Variants in HYAL4 observed in about 807,000 individuals in gnomAD.
HYAL4 encodes hyaluronidase-4.
Under a neutral mutation model 35.2 loss-of-function variants are expected in HYAL4, and 37 were observed. The observed-to-expected ratio is 1.05, with a 90% CI of 0.81 to 1.38. HYAL4 has a LOEUF of 1.38. Ranked by LOEUF, HYAL4 falls within the 40% of genes most tolerant of loss-of-function variation. The pLI, the probability that HYAL4 is intolerant of heterozygous loss-of-function variation, is 0.00. For synonymous variants in HYAL4, 198 were observed against 203.2 expected, an observed-to-expected ratio of 0.97 and a Z score of 0.22; for missense variants, 572 against 572.4, an observed-to-expected ratio of 1.00 and a Z score of 0.01.
the HYAL4 span, chr7:123,814,764 C>T: frequency 6.6e-6 from 1 of 152,444 alleles, no homozygotes. Flanking sequence ...TATCTCTATC[C>T]AGACTGCTAC....
chr7:123,796,060 G>C, the HYAL4 span, among the ~76,000 whole-genome samples: 2 of 152,238 alleles, frequency 1.3e-5, no homozygotes, highest in Non-Finnish European at 2.9e-5. Flanking sequence ...CCAATTGTTT[G>C]CAAACTATAT....
intron 2 of HYAL4, among the ~76,000 whole-genome samples, chr7:123,865,755 C>T (rs1806673114): frequency 1.3e-5 from 2 of 152,126 alleles, no homozygotes. Flanking sequence ...GTAGCACAGG[C>T]TTTACTACAA....
the HYAL4 span, among the ~76,000 whole-genome samples, chr7:123,793,666 C>CCTT: frequency 6.6e-6 from 1 of 152,160 alleles, no homozygotes; most frequent in Non-Finnish European, 1.5e-5. Context: ...GTTTGCTTCC[C>CCTT]CTTCCCCCAT....
At chr7:123,807,252 T>TA in the HYAL4 span, among the ~76,000 whole-genome samples, 1 of 152,126 alleles carries the variant, frequency 6.6e-6, no homozygotes, top group Non-Finnish European at 1.5e-5. Context: ...AAGTCTGCTT[T>TA]AATCAATATT....
the HYAL4 span, among the ~76,000 whole-genome samples, chr7:123,785,682 C>G: frequency 6.6e-6 from 1 of 152,230 alleles, no homozygotes; most frequent in Non-Finnish European, 1.5e-5. This position sits in a 1 kb window ranked among gnomAD's most constrained non-coding sequence, Gnocchi z 4.5. Flanking sequence ...CTCTGCTGTA[C>G]TCCTTCATCT....
the HYAL4 span, among the ~76,000 whole-genome samples, chr7:123,776,972 A>C: frequency 4.6e-5 from 7 of 152,248 alleles, no homozygotes; most frequent in African/African-American, 7.2e-5. Flanking sequence ...GAAAACTCTC[A>C]AAAAATAATT....
chr7:123,794,629 C>T, the HYAL4 span, among the ~76,000 whole-genome samples: 3 of 152,204 alleles, frequency 2.0e-5, no homozygotes, highest in Admixed American at 2.0e-4. Flanking sequence ...GCCTTGGCAG[C>T]TTACATGTGG....
upstream of HYAL4, among the ~76,000 whole-genome samples, chr7:123,840,274 T>G (rs1806031972): frequency 1.3e-5 from 2 of 152,214 alleles, no homozygotes. Flanking sequence ...TTTTGTCAGG[T>G]TTGTCAAAGA....
rs189435379 is a variant in HYAL4, at chr7:123,853,487, A to T, written c.-52+5329A>T. ...CTTTTCGGCATCTATTGAGATAATC[A>T]TGTGGTTTTTGTCATTGGTTCTGTT... On this transcript the variant is annotated intron_variant, in intron 2 of 4. Coordinates refer to ENST00000223026, the MANE Select transcript of HYAL4 (RefSeq NM_012269.3). Among the ~76,000 whole-genome samples the T allele has an allele frequency of 2.3e-3, 352 of 152,286 alleles. 1 individual carries two copies. The highest frequency in any genetic ancestry group is 7.9e-3 in the African/African-American group (329 of 41,560).
chr7:123,798,590 G>A, the HYAL4 span, among the ~76,000 whole-genome samples: 2 of 152,164 alleles, frequency 1.3e-5, no homozygotes, highest in Non-Finnish European at 2.9e-5. Flanking sequence ...AGGTGGTTGG[G>A]TGTGTCAATC....
At chr7:123,835,972 T>C (rs1361853230) in intron 1 of HYAL4, among the ~76,000 whole-genome samples, 3 of 152,212 alleles carry the variant, frequency 2.0e-5, no homozygotes, top group Non-Finnish European at 4.4e-5. Context: ...CTTAAATTTA[T>C]TGAGACTTGT....
chr7:123,786,109 C>G, the HYAL4 span, among the ~76,000 whole-genome samples: 1 of 152,220 alleles, frequency 6.6e-6, no homozygotes, highest in East Asian at 1.9e-4. Flanking sequence ...ACATGATTCA[C>G]CTTTTAATTT....
chr7:123,801,516 T>G, the HYAL4 span, among the ~76,000 whole-genome samples: 1 of 152,206 alleles, frequency 6.6e-6, no homozygotes, highest in Non-Finnish European at 1.5e-5. Flanking sequence ...AATTGACTTA[T>G]TGAAGACAAC....
At chr7:123,789,018 T>C in the HYAL4 span, among the ~76,000 whole-genome samples, 1 of 152,170 alleles carries the variant, frequency 6.6e-6, no homozygotes, top group Non-Finnish European at 1.5e-5. Flanking sequence ...ATAGGACTTG[T>C]TATGGCACAA....
intron 4 of HYAL4, 62 bp downstream of exon 4, chr7:123,874,912 T>G: frequency 2.0e-6 from 2 of 998,218 alleles, no homozygotes; most frequent in Non-Finnish European, 1.6e-6. Flanking sequence ...TCTGCTTTCT[T>G]GGAGAGCTTA....
At chr7:123,869,838 C>CCA (rs749676096) in intron 3 of HYAL4, among the ~76,000 whole-genome samples, 6 of 104,614 alleles carry the variant, frequency 5.7e-5, no homozygotes, top group Non-Finnish European at 1.3e-4. Context: ...CAGGTGCTCA[C>CCA]CCCCCCCCAC....
At chr7:123,869,421 T>C (rs1806804664) in intron 3 of HYAL4, among the ~76,000 whole-genome samples, 194 bp downstream of exon 3, 1 of 152,212 alleles carries the variant, frequency 6.6e-6, no homozygotes, top group Non-Finnish European at 1.5e-5. Context: ...TACTCATTAT[T>C]ATTCTCTTAA....
At chr7:123,787,260 T>A in the HYAL4 span, among the ~76,000 whole-genome samples, 4 of 152,268 alleles carry the variant, frequency 2.6e-5, no homozygotes, top group South Asian at 8.3e-4. Context: ...CCCTGGGGCA[T>A]TATATAGTTA....
chr7:123,799,127 T>A, the HYAL4 span, among the ~76,000 whole-genome samples: 4 of 152,208 alleles, frequency 2.6e-5, no homozygotes, highest in African/African-American at 9.6e-5. Context: ...GTTCACTGTA[T>A]ATATCAGTAG....
Sources: allele counts gnomAD v4.1 joint callset (sites outside exome capture counted in the v4.1 genomes callset), GRCh38; gene constraint gnomAD v4.1.1; non-coding constraint Gnocchi (gnomAD v3.1); transcripts MANE v1.5; gene names NCBI Gene and HGNC (gene_info 2026-07-23, HGNC 2026-07-21).